The following DPF2 variants were observed in gnomAD, a reference collection of about 807,000 sequenced individuals.
DPF2 encodes zinc finger protein ubi-d4.
In DPF2, 10 loss-of-function variants were observed where a neutral mutation model predicts 59.6. The observed-to-expected ratio is 0.17, with a 90% CI of 0.10 to 0.28. The LOEUF is 0.28. DPF2 is among the 10% of genes least tolerant of loss of function. The pLI, the probability that DPF2 is intolerant of heterozygous loss-of-function variation, is 1.00. For missense variants in DPF2, 315 were observed against 509.4 expected (o/e 0.62, Z 3.67); for synonymous variants, 189 against 190.6 (o/e 0.99, Z 0.07).
At chr11:65,337,502 TATAGAGAGAGAGAGAGAGAG>T (rs1184347306) in intron 1 of DPF2, among the ~76,000 whole-genome samples, 1 of 33,100 alleles carries the variant, frequency 3.0e-5, no homozygotes, top group Non-Finnish European at 5.2e-5. Flanking sequence ...TATATATATA[TATAGAGAGAGAGAGAGAGAG>T]AGAGAGAGAG....
In DPF2 at chr11:65,340,970, G is replaced by C; in HGVS notation, c.198G>C (p.Leu66Phe). Residue 66 changes from leucine (L) to phenylalanine (F), a missense_variant, in exon 3 of 11, where the codon TTG (leucine) becomes TTC (phenylalanine). Physicochemically the swap from Leu to Phe is conservative, Grantham distance 22 (BLOSUM62 0). Transcript: ENST00000528416. Reference protein sequence around the residue: ...WMEKRHRGPGLASGQLYSYPA... With the variant: ...WMEKRHRGPGFASGQLYSYPA... ...CTATCTTTCTTCCTGCCACAGGATT[G>C]GCCTCCGGACAGCTGTACTCCTACC... 6.2e-7 allele frequency: 1 copy of C among 1,613,950 alleles called. No homozygotes were observed. Among genetic ancestry groups the C allele is most frequent in the Non-Finnish European group, 8.5e-7 (1 of 1,179,964 alleles).
At chr11:65,334,138 C>T (rs1163195215) in intron 1 of DPF2, among the ~76,000 whole-genome samples, 4 of 152,232 alleles carry the variant, frequency 2.6e-5, no homozygotes, top group African/African-American at 9.6e-5. Flanking sequence ...CCCCGACGGG[C>T]GGCATCCCTG....
At chr11:65,350,375 T>TTTC (rs1491420033) in intron 10 of DPF2, among the ~76,000 whole-genome samples, 5 of 119,080 alleles carry the variant, frequency 4.2e-5, no homozygotes, top group African/African-American at 1.9e-4. Context: ...TCTTTCTTTC[T>TTTC]TTTTTTTTTT....
intron 1 of DPF2, among the ~76,000 whole-genome samples, chr11:65,335,276 T>C (rs979628208): frequency 2.0e-5 from 3 of 152,140 alleles, no homozygotes; most frequent in Non-Finnish European, 4.4e-5. Context: ...GACTCAGATG[T>C]TCTTTCTTTG....
In DPF2 at chr11:65,344,475, C is replaced by T. The variant is rs541592571; in HGVS notation, c.637+406C>T. On this transcript the variant is annotated intron_variant, in intron 6 of 10. Transcript: ENST00000528416. ...TGTCCCTCCACCCTGGGAGCACCAT[C>T]GCCGCTGGGGTTTCTCTCTCGTTTG... 13 of 1,129,444 alleles carry T rather than the reference C, an allele frequency of 1.2e-5. No individual in the cohort carries two copies. The East Asian group carries it at 1.3e-4, about 11-fold the overall frequency. The allele number at this position is 1,129,444 out of a possible 1,614,324, so 70.0% of individuals were successfully genotyped here.
chr11:65,344,491 C>G (rs1854471377), intron 6 of DPF2: 8 of 1,357,262 alleles, frequency 5.9e-6, no homozygotes, highest in Admixed American at 2.1e-5. Flanking sequence ...TGGGGTTTCT[C>G]TCTCGTTTGC....
chr11:65,335,490 C>T lies in DPF2; in HGVS notation c.32+1572C>T, dbSNP rs114870583. ...GGTTGCCAGTGCTTTCAAGTTGTGT[C>T]ATAAGTGAGGGGTTGCCCATTTAAA... On this transcript the variant is annotated intron_variant, in intron 1 of 10. Transcript: ENST00000528416. Among the ~76,000 whole-genome samples, 373 of 152,286 alleles carry T rather than the reference C, an allele frequency of 2.4e-3. 1 individual carries two copies. Among genetic ancestry groups the T allele is most frequent in the African/African-American group, 8.6e-3 (359 of 41,562 alleles).
intron 1 of DPF2, among the ~76,000 whole-genome samples, chr11:65,335,421 G>A (rs570202857): frequency 7.9e-5 from 12 of 152,314 alleles, no homozygotes; most frequent in African/African-American, 2.9e-4. Flanking sequence ...GGAGTTAAAC[G>A]TAGTGAGGTT....
At chr11:65,349,753 A>G (rs1478000562) in intron 10 of DPF2, among the ~76,000 whole-genome samples, 2 of 151,684 alleles carry the variant, frequency 1.3e-5, no homozygotes, top group African/African-American at 4.8e-5. Flanking sequence ...CCGAGATCGC[A>G]CCACTGCACT....
rs1854353970 is a variant in DPF2 at position 65,341,047 on chromosome 11, G to A, written c.275G>A (p.Arg92Gln). The A allele has an allele frequency of 2.5e-6, 4 of 1,613,946 alleles. No individual in the cohort carries two copies. The highest frequency in any genetic ancestry group is 2.7e-5 in the African/African-American group (2 of 74,906). ...CGAGCCCATCCCCCTGAGGATCCAC[G>A]ACTTTCCTTCCCATCTATTAAGCCA... Reference protein sequence around the residue: ...KRRAHPPEDPRLSFPSIKPDT... With the variant: ...KRRAHPPEDPQLSFPSIKPDT... The change falls in exon 3 of 11, where the codon CGA (arginine) becomes CAA (glutamine). Residue 92 changes from arginine (R) to glutamine (Q), a missense_variant. Physicochemically the swap from Arg to Gln is conservative, Grantham distance 43. Transcript: ENST00000528416.
At chr11:65,345,896 C>T (rs923884322) in intron 7 of DPF2, 34 bp from the exon 8 acceptor site, 5 of 1,613,688 alleles carry the variant, frequency 3.1e-6, no homozygotes, top group Non-Finnish European at 4.2e-6. Context: ...TCAGGGACCC[C>T]CATGGGTGTC....
intron 6 of DPF2, 22 bp from the exon 7 acceptor site, chr11:65,345,644 C>T (rs745853040): frequency 4.3e-6 from 7 of 1,613,776 alleles, no homozygotes; most frequent in Non-Finnish European, 5.9e-6. Context: ...ACACCTTTCT[C>T]TGCAATCTTC....
At chr11:65,346,119 G>C (rs1463844714) in intron 8 of DPF2, 61 bp downstream of exon 8, 4 of 1,605,340 alleles carry the variant, frequency 2.5e-6, no homozygotes, top group Non-Finnish European at 3.4e-6. Flanking sequence ...TGGCTTGCTG[G>C]CCTCTAGGGC....
intron 1 of DPF2, among the ~76,000 whole-genome samples, chr11:65,337,434 C>G (rs1178466921): frequency 1.2e-5 from 1 of 85,664 alleles, no homozygotes; most frequent in African/African-American, 4.6e-5. Flanking sequence ...ACCTGGGCGG[C>G]AAAGCAAGAC....
chr11:65,348,611 GAAA>G (rs56032535), intron 9 of DPF2: 2,192 of 238,188 alleles, frequency 9.2e-3, no homozygotes, highest in Middle Eastern at 0.02. Flanking sequence ...GGGCTTTAGG[GAAA>G]AAAAAAAAAA....
Position 65,340,538 on chromosome 11 carries a change from G to A in DPF2, c.186G>A (p.Arg62=). ...NCYIWMEKRH[R]GPGLASGQLY... is the part of the protein sequence containing the mutation. ...ACATCTGGATGGAAAAGCGACACCG[G>A]GGTCCAGGTGAGGGTCCAGACTTGG... Residue 62 remains arginine (R), a synonymous_variant, in exon 2 of 11, where the codon CGG becomes CGA. Transcript: ENST00000528416. 1.2e-6 allele frequency: 2 copies of A among 1,614,176 alleles called. No individual in the cohort carries two copies. The highest frequency in any genetic ancestry group is 1.7e-6 in the Non-Finnish European group (2 of 1,180,022).
intron 4 of DPF2, chr11:65,343,526 C>G (rs1854440585): frequency 1.8e-6 from 1 of 563,610 alleles, no homozygotes; most frequent in East Asian, 2.9e-5. Context: ...GCATTTCAGG[C>G]TAAGGAAATA....
intron 1 of DPF2, 121 bp downstream of exon 1, chr11:65,334,039 C>A: frequency 7.1e-7 from 1 of 1,414,520 alleles, no homozygotes; most frequent in Non-Finnish European, 9.7e-7. Flanking sequence ...CATGTTGCGA[C>A]TCCTGGTGGG....
At chr11:65,344,687 C>A (rs993614204) in intron 6 of DPF2, 7 of 1,484,482 alleles carry the variant, frequency 4.7e-6, no homozygotes, top group African/African-American at 2.8e-5. Flanking sequence ...CTTGTTCCTC[C>A]TGCCTTTCTC....
Sources: gnomAD v4.1 joint callset for allele counts (sites outside exome capture counted in the v4.1 genomes callset) on GRCh38, gnomAD v4.1.1 for gene constraint, MANE v1.5 for transcripts, NCBI Gene and HGNC (gene_info 2026-07-23, HGNC 2026-07-21) for gene names.